Variants in AFF2 observed in about 807,000 individuals in gnomAD.
AFF2 encodes the protein ALF transcription elongation factor 2, also known as AF4/FMR2 family member 2.
AFF2 carries 14 observed loss-of-function variants against 76.9 expected under a neutral mutation model. The ratio of observed to expected loss-of-function variants is 0.18; its 90% confidence interval spans 0.12 to 0.28. The LOEUF (loss-of-function observed/expected upper bound fraction) is 0.28, where lower values mean the gene tolerates loss of function less well. Ranked by LOEUF, AFF2 falls within the 10% of genes least tolerant of loss-of-function variation. The pLI, the probability that AFF2 is intolerant of heterozygous loss-of-function variation, is 1.00. For synonymous variants in AFF2, 398 were observed against 366.7 expected, an observed-to-expected ratio of 1.09 and a Z score of -0.98; for missense variants, 868 against 1,001.1, an observed-to-expected ratio of 0.87 and a Z score of 1.79.
chrX:148,795,245 C>A (rs1326656405), intron 3 of AFF2, among the ~76,000 whole-genome samples: 1 of 111,239 alleles, frequency 9.0e-6, no homozygotes, highest in Non-Finnish European at 1.9e-5. Flanking sequence ...CACCAGGGTT[C>A]TGTTCTTAAA....
At chrX:148,808,037 G>A (rs1367839075) in intron 3 of AFF2, among the ~76,000 whole-genome samples, 3 of 112,377 alleles carry the variant, frequency 2.7e-5, no homozygotes, top group African/African-American at 9.7e-5. Context: ...AGTTGGGAAT[G>A]TACTTTATTA....
Position 148,962,831 on chromosome X carries a change from C to T in AFF2, c.2807C>T (p.Pro936Leu). ...AGAAATGTCAGTGGCAATAATGGTC[C>T]CTTTGGTCAAGACAAAAACATCGCC... ...RRRNVSGNNG[P>L]FGQDKNIAMT... Residue 936 changes from proline to leucine, a missense_variant, in exon 13 of 21, where the codon CCC becomes CTC. Pro to Leu is a moderately conservative substitution (Grantham distance 98, BLOSUM62 -3). Transcript: ENST00000370460. 8.3e-7 allele frequency: 1 copy of T among 1,210,080 alleles called. No homozygotes were observed. Among genetic ancestry groups the T allele is most frequent in the Non-Finnish European group, 1.1e-6 (1 of 893,881 alleles).
chrX:148,897,785 G>T (rs1050081093), intron 8 of AFF2, among the ~76,000 whole-genome samples: 2 of 110,537 alleles, frequency 1.8e-5, no homozygotes, highest in Admixed American at 9.7e-5. Flanking sequence ...GGCTCAGATT[G>T]GTTAGGGGGA....
intron 3 of AFF2, among the ~76,000 whole-genome samples, chrX:148,704,137 G>A (rs2054836607): frequency 2.2e-5 from 2 of 91,709 alleles, no homozygotes; most frequent in South Asian, 1.1e-3. Context: ...CCTATGATTA[G>A]GGTGACTGCA....
At chrX:148,968,184 G>T (rs2072204576) in intron 15 of AFF2, among the ~76,000 whole-genome samples, 1 of 110,902 alleles carries the variant, frequency 9.0e-6, no homozygotes, top group Admixed American at 9.6e-5. Context: ...AGTTAGGCTG[G>T]GGCCCCAAGC....
At chrX:148,844,948 A>G (rs1557274615) in intron 7 of AFF2, among the ~76,000 whole-genome samples, 2 of 112,073 alleles carry the variant, frequency 1.8e-5, no homozygotes, top group Admixed American at 1.9e-4. Context: ...ATATGAAAAC[A>G]CAAAAATCAA....
At chrX:148,785,340 C>T (rs2069804947) in intron 3 of AFF2, among the ~76,000 whole-genome samples, 1 of 111,680 alleles carries the variant, frequency 9.0e-6, no homozygotes, top group Non-Finnish European at 1.9e-5. Flanking sequence ...GAGATGCAGC[C>T]TGGGAGGTGA....
At chrX:148,913,260 C>G in intron 9 of AFF2, among the ~76,000 whole-genome samples, 2 of 112,476 alleles carry the variant, frequency 1.8e-5, no homozygotes, top group Middle Eastern at 4.7e-3. Flanking sequence ...AACTCCCTCT[C>G]AGGACACACA....
chrX:148,845,097 A>G (rs1336136453), intron 7 of AFF2, among the ~76,000 whole-genome samples: 11 of 90,319 alleles, frequency 1.2e-4, no homozygotes, highest in Non-Finnish European at 1.8e-4. Context: ...TTAAAAAGTC[A>G]ATAAGATTCA....
intron 1 of AFF2, among the ~76,000 whole-genome samples, chrX:148,607,221 T>G (rs2053680538): frequency 9.0e-6 from 1 of 111,547 alleles, no homozygotes; most frequent in African/African-American, 3.3e-5. Flanking sequence ...TATCCAAGAC[T>G]GTCTTTAGAA....
rs6641249 is a variant in AFF2, at chrX:148,762,480, A to G, written c.1042-47396A>G. 5.6e-4 allele frequency among the ~76,000 whole-genome samples: 52 copies of G among 92,562 alleles called. No homozygotes were observed. The South Asian group carries it at 0.01, about 19-fold the overall frequency. The allele number at this position is 92,562 out of a possible 115,157, so 80.4% of individuals were successfully genotyped here. ...ATATATTATGTGTGTACATATGTATATGTGTGTGTGTGTGTGTGTGTGTGT... is the reference window on the plus strand; with the variant it reads ...ATATATTATGTGTGTACATATGTATGTGTGTGTGTGTGTGTGTGTGTGTGT... On this transcript the variant is annotated intron_variant, in intron 3 of 20. Transcript: ENST00000370460.
intron 1 of AFF2, among the ~76,000 whole-genome samples, chrX:148,643,773 G>A (rs1348663033): frequency 9.0e-6 from 1 of 111,483 alleles, no homozygotes; most frequent in Non-Finnish European, 1.9e-5. Context: ...GCTGCTTGGG[G>A]GAGAAGCGAA....
At chrX:148,906,501 C>T (rs2071408632) in intron 9 of AFF2, among the ~76,000 whole-genome samples, 1 of 111,892 alleles carries the variant, frequency 8.9e-6, no homozygotes, top group Non-Finnish European at 1.9e-5. Context: ...TCAGCTCACA[C>T]CCGACCAATC....
chrX:148,709,689 A>AAG (rs2054938318), intron 3 of AFF2, among the ~76,000 whole-genome samples: 3 of 112,211 alleles, frequency 2.7e-5, no homozygotes, highest in African/African-American at 9.7e-5. Flanking sequence ...AGGCAAGTGC[A>AAG]CACACATAGT....
chrX:148,654,553 TG>T (rs1440247219), intron 2 of AFF2, among the ~76,000 whole-genome samples: 28 of 110,965 alleles, frequency 2.5e-4, no homozygotes, highest in Non-Finnish European at 7.5e-5. Flanking sequence ...TAGAGATTGA[TG>T]GGAAGCAAAT....
At position 148,754,433 on chromosome X, in the gene AFF2, C is replaced by T. The variant is rs148885662; in HGVS notation, c.1042-55443C>T. On this transcript the variant is annotated intron_variant, in intron 3 of 20. Coordinates refer to ENST00000370460, the MANE Select transcript of AFF2 (RefSeq NM_002025.4). ...CAGGAGCTGATAACTGTTTTCTTCCCGTCAATACATTTCCCTGTAGCAAAG... is the reference window on the plus strand; with the variant it reads ...CAGGAGCTGATAACTGTTTTCTTCCTGTCAATACATTTCCCTGTAGCAAAG... Among the ~76,000 whole-genome samples, 217 of 109,891 alleles carry T rather than the reference C, an allele frequency of 2.0e-3. 1 individual carries two copies. The highest frequency in any genetic ancestry group is 7.0e-3 in the African/African-American group (212 of 30,194).
chrX:148,643,807 C>T (rs1364926605), intron 1 of AFF2, among the ~76,000 whole-genome samples: 1 of 111,573 alleles, frequency 9.0e-6, no homozygotes, highest in Non-Finnish European at 1.9e-5. Context: ...AGGAGATAGG[C>T]ACCCCTCTCA....
At position 148,678,268 on chromosome X, in the gene AFF2, G is replaced by A. The variant is rs143438948; in HGVS notation, c.1041+15500G>A. 4.2e-3 allele frequency among the ~76,000 whole-genome samples: 472 copies of A among 111,691 alleles called. 3 individuals are homozygous for A. The highest frequency in any genetic ancestry group is 0.015 in the African/African-American group (452 of 30,772). On this transcript the variant is annotated intron_variant, in intron 3 of 20. Transcript: ENST00000370460. Reference sequence around the variant, plus strand: ...CCTCACCTTGGCTAATTACAGAACTGAGCCTTGAACTCTCTACCCACAAAT... The same window carrying A: ...CCTCACCTTGGCTAATTACAGAACTAAGCCTTGAACTCTCTACCCACAAAT...
At position 148,993,142 on chromosome X, in the gene AFF2, G is replaced by A. The variant is rs2072552692; in HGVS notation, c.*1810G>A. On this transcript the variant is annotated 3_prime_UTR_variant, in exon 21 of 21. Transcript: ENST00000370460. ...TTTGTTGTATAAGGCTGTGGAAGTT[G>A]TACTCCAATGGCTGAAGCCATGTTG... 8.9e-6 allele frequency: 1 copy of A among 112,635 alleles called. No homozygotes were observed. Among genetic ancestry groups the A allele is most frequent in the African/African-American group, 3.2e-5 (1 of 30,875 alleles). The allele number at this position is 112,635 out of a possible 1,213,427, so 9.3% of individuals were successfully genotyped here.
Sources: gnomAD v4.1 joint callset for allele counts (sites outside exome capture counted in the v4.1 genomes callset) on GRCh38, gnomAD v4.1.1 for gene constraint, MANE v1.5 for transcripts, NCBI Gene and HGNC (gene_info 2026-07-23, HGNC 2026-07-21) for gene names.